The following NTNG1 variants were observed in gnomAD, a reference collection of about 807,000 sequenced individuals.
The protein encoded by NTNG1 is netrin G1.
In NTNG1, 16 loss-of-function variants were observed where a neutral mutation model predicts 54.0. The observed-to-expected ratio is 0.30, with a 90% confidence interval of 0.20 to 0.45. NTNG1 has a LOEUF of 0.45. NTNG1 is among the 20% of genes least tolerant of loss of function. The probability of loss-of-function intolerance (pLI) is 1.00; values close to 1 mark genes in which losing one functional copy is unlikely to be tolerated. For synonymous variants in NTNG1, 255 were observed against 263.1 expected (o/e 0.97, Z 0.30); for missense variants, 530 against 678.7 (o/e 0.78, Z 2.43).
intron 2 of NTNG1, among the ~76,000 whole-genome samples, chr1:107,303,975 G>A (rs143522343): frequency 0.029 from 4,359 of 151,062 alleles, 213 homozygotes; most frequent in African/African-American, 0.1. Flanking sequence ...GTGAGCCACC[G>A]CGCCCGCCTC....
chr1:107,347,736 T>C (rs369339839), intron 3 of NTNG1, among the ~76,000 whole-genome samples: 4 of 152,268 alleles, frequency 2.6e-5, no homozygotes, highest in African/African-American at 9.6e-5. Context: ...TCTGCATTGC[T>C]GGGGAGGCCT....
At chr1:107,348,597 T>C (rs985598248) in intron 3 of NTNG1, among the ~76,000 whole-genome samples, 4 of 152,196 alleles carry the variant, frequency 2.6e-5, no homozygotes, top group Non-Finnish European at 5.9e-5. Context: ...CCAAACATTG[T>C]CTTGTTCTGA....
intron 2 of NTNG1, among the ~76,000 whole-genome samples, chr1:107,208,854 T>C (rs1251150982): frequency 6.6e-6 from 1 of 152,068 alleles, no homozygotes; most frequent in Non-Finnish European, 1.5e-5. Flanking sequence ...ACAGCTTCCA[T>C]ATGCCTTTTT....
chr1:107,323,680 A>G (rs555461778), intron 2 of NTNG1, among the ~76,000 whole-genome samples: 4 of 152,228 alleles, frequency 2.6e-5, no homozygotes, highest in South Asian at 2.1e-4. Flanking sequence ...CCTTTAGGGT[A>G]CCACATTTTA....
intron 2 of NTNG1, among the ~76,000 whole-genome samples, chr1:107,267,234 A>C (rs1663808244): frequency 6.6e-6 from 1 of 152,204 alleles, no homozygotes; most frequent in Admixed American, 6.5e-5. Context: ...CATCTTAAAC[A>C]CCTTGTACAA....
At chr1:107,307,666 C>A (rs1421394952) in intron 2 of NTNG1, among the ~76,000 whole-genome samples, 3 of 152,228 alleles carry the variant, frequency 2.0e-5, no homozygotes, top group African/African-American at 7.2e-5. Flanking sequence ...GTTGTCCAGA[C>A]TTGAAAATGA....
intron 2 of NTNG1, among the ~76,000 whole-genome samples, chr1:107,279,736 A>G (rs189183848): frequency 7.9e-5 from 12 of 152,304 alleles, no homozygotes; most frequent in South Asian, 2.1e-4. Context: ...AATTCTGGGT[A>G]GAAAACAGTA....
chr1:107,180,654 T>C (rs990544993), intron 2 of NTNG1, among the ~76,000 whole-genome samples: 6 of 152,178 alleles, frequency 3.9e-5, no homozygotes, highest in East Asian at 3.8e-4. Context: ...AAAATCTCTA[T>C]TCTGAATATA....
intron 2 of NTNG1, among the ~76,000 whole-genome samples, chr1:107,214,872 C>G (rs1014026026): frequency 6.6e-6 from 1 of 151,150 alleles, no homozygotes; most frequent in South Asian, 2.1e-4. Context: ...TTACATTTCT[C>G]TCATCATTAG....
At chr1:107,390,143 A>C (rs980946588) in intron 3 of NTNG1, among the ~76,000 whole-genome samples, 1 of 152,168 alleles carries the variant, frequency 6.6e-6, no homozygotes, top group African/African-American at 2.4e-5. Context: ...CTCTCCAAAC[A>C]AAGGAAGTGC....
intron 7 of NTNG1, among the ~76,000 whole-genome samples, chr1:107,464,162 T>C (rs1677453850): frequency 6.6e-6 from 1 of 152,246 alleles, no homozygotes; most frequent in African/African-American, 2.4e-5. Flanking sequence ...GTTGCCCATC[T>C]TGTGAATCTT....
At chr1:107,325,045 C>A in intron 3 of NTNG1, 123 bp downstream of exon 3, 1 of 993,646 alleles carries the variant, frequency 1.0e-6, no homozygotes, top group Non-Finnish European at 1.5e-6. Context: ...AGGAACTCCA[C>A]TGTAGAAGTA....
In NTNG1 at chr1:107,389,902, G is replaced by C. The variant is rs191502856; in HGVS notation, c.888-5252G>C. 1.6e-3 allele frequency among the ~76,000 whole-genome samples: 237 copies of C among 152,304 alleles called. 2 individuals are homozygous for C. The highest frequency in any genetic ancestry group is 5.4e-3 in the African/African-American group (224 of 41,568). ...AGACGTGGGAGCTGGATGGCCATGG[G>C]AATGGATAATGAATCTGTCAGAGAC... On this transcript the variant is annotated intron_variant, in intron 3 of 7. Coordinates refer to ENST00000370068, the MANE Select transcript of NTNG1 (RefSeq NM_001113226.3).
chr1:107,328,963 C>T (rs1668116036), intron 3 of NTNG1: 1 of 152,106 alleles, frequency 6.6e-6, no homozygotes, highest in Non-Finnish European at 1.5e-5. Flanking sequence ...AAACTCCCAT[C>T]AACATCTTCA....
intron 2 of NTNG1, among the ~76,000 whole-genome samples, chr1:107,160,279 G>T (rs554705928): frequency 5.3e-5 from 8 of 152,196 alleles, no homozygotes; most frequent in African/African-American, 1.4e-4. Context: ...TGCTGAAGAT[G>T]AAAAATCTAA....
In NTNG1 at chr1:107,324,458, C is replaced by T. The variant is rs776711677; in HGVS notation, c.423C>T (p.Thr141=). ...QVNITLSWSK[T]IELTDNIVIT... ...ACATCACTCTGTCTTGGAGCAAAAC[C>T]ATTGAGCTAACAGACAACATAGTTA... is the stretch of plus-strand genomic sequence containing the variant. Residue 141 remains threonine (T), a synonymous_variant, in exon 3 of 8, where the codon ACC becomes ACT. Coordinates refer to ENST00000370068, the MANE Select transcript of NTNG1 (RefSeq NM_001113226.3). The T allele has an allele frequency of 5.0e-6, 8 of 1,613,674 alleles. No homozygotes were observed. The African/African-American group carries it at 8.0e-5, about 16-fold the overall frequency.
intron 7 of NTNG1, among the ~76,000 whole-genome samples, chr1:107,471,379 A>G (rs1008396801): frequency 2.0e-5 from 3 of 152,198 alleles, no homozygotes; most frequent in African/African-American, 7.2e-5. Context: ...GCAGGAAAGC[A>G]AGGGCATTTT....
chr1:107,449,234 G>A (rs1301022569), intron 7 of NTNG1, among the ~76,000 whole-genome samples: 1 of 151,816 alleles, frequency 6.6e-6, no homozygotes, highest in Non-Finnish European at 1.5e-5. Context: ...AAACTAGAAA[G>A]TGACAAGACA....
intron 3 of NTNG1, among the ~76,000 whole-genome samples, chr1:107,335,862 G>A (rs1335684445): frequency 6.6e-6 from 1 of 151,678 alleles, no homozygotes; most frequent in African/African-American, 2.4e-5. Context: ...AAATGGTTAA[G>A]AATAAACTTA....
Sources: gnomAD v4.1 joint callset for allele counts (sites outside exome capture counted in the v4.1 genomes callset) on GRCh38, gnomAD v4.1.1 for gene constraint, MANE v1.5 for transcripts, NCBI Gene and HGNC (gene_info 2026-07-23, HGNC 2026-07-21) for gene names.